Variants in DPH1 observed in about 807,000 individuals in gnomAD.
DPH1 encodes the protein diphthamide biosynthesis 1.
Under a neutral mutation model 55.3 loss-of-function variants are expected in DPH1, and 59 were observed. That is an observed-to-expected ratio of 1.07 (90% confidence interval 0.87 to 1.33). The LOEUF (loss-of-function observed/expected upper bound fraction) is 1.33, where lower values mean the gene tolerates loss of function less well. Among genes scored for constraint, DPH1 ranks in the 40% most tolerant of loss-of-function variants. The pLI is 0.00. For missense variants in DPH1, 628 were observed against 584.8 expected, an observed-to-expected ratio of 1.07 and a Z score of -0.76; for synonymous variants, 238 against 235.5, an observed-to-expected ratio of 1.01 and a Z score of -0.10.
intron 6 of DPH1, among the ~76,000 whole-genome samples, chr17:2,038,563 C>G (rs2067461668): frequency 6.6e-6 from 1 of 152,174 alleles, no homozygotes; most frequent in Non-Finnish European, 1.5e-5. Context: ...GCATTAGATT[C>G]TTGTAGGAGC....
At position 2,036,436 on chromosome 17, in the gene DPH1, C is replaced by T. The variant is rs1204476275; in HGVS notation, c.401-93C>T. The T allele has an allele frequency of 6.7e-7, 1 of 1,501,442 alleles. No homozygotes were observed. The highest frequency in any genetic ancestry group is 1.4e-5 in the African/African-American group (1 of 72,568). The allele number at this position is 1,501,442 out of a possible 1,614,324, so 93.0% of individuals were successfully genotyped here. On this transcript the variant is annotated intron_variant, in intron 4 of 12. Coordinates refer to ENST00000263083, the MANE Select transcript of DPH1 (RefSeq NM_001383.6). The surrounding 1 kb of genome is among the most constrained non-coding windows in gnomAD (Gnocchi z 4.8). ...CTGTCCTTTTACCCCCAGGCTGAAG[C>T]CACTGCGCCTGGCTGCTCAGAGACC...
At position 2,036,570 on chromosome 17, in the gene DPH1, G is replaced by A. The variant is rs1022631968; in HGVS notation, c.442G>A (p.Val148Ile). 30 of 1,613,944 alleles carry A rather than the reference G, an allele frequency of 1.9e-5. No homozygotes were observed. The highest frequency in any genetic ancestry group is 2.7e-5 in the African/African-American group (2 of 74,878). ...GGCCCAAGACTTCCGGGTGCTGTAC[G>A]TCTTTGTGGACATCCGGATAGACAC... ...TSAQDFRVLY[V>I]FVDIRIDTTH... Residue 148 changes from valine (V) to isoleucine (I), a missense_variant, in exon 5 of 13, where the codon GTC becomes ATC. Transcript: ENST00000263083. The surrounding 1 kb of genome is among the most constrained non-coding windows in gnomAD (Gnocchi z 4.8).
intron 6 of DPH1, among the ~76,000 whole-genome samples, chr17:2,038,017 CAGT>C (rs1354422335): frequency 3.3e-5 from 5 of 152,106 alleles, no homozygotes; most frequent in Admixed American, 6.6e-5. Context: ...GTCCAATAAA[CAGT>C]AGCTGTTGGC....
chr17:2,030,683 G>A (rs1213187846), intron 1 of DPH1, among the ~76,000 whole-genome samples: 1 of 152,202 alleles, frequency 6.6e-6, no homozygotes, highest in Non-Finnish European at 1.5e-5. Flanking sequence ...AGTCTACTGG[G>A]GGAATGTTAA....
At chr17:2,035,944 A>G in intron 3 of DPH1, 26 bp from the exon 4 acceptor site, 1 of 1,613,348 alleles carries the variant, frequency 6.2e-7, no homozygotes, top group Non-Finnish European at 8.5e-7. Flanking sequence ...TCCCTGTCCC[A>G]CCGTTCCCCG....
At chr17:2,031,409 A>G (rs1448072688) in intron 1 of DPH1, among the ~76,000 whole-genome samples, 2 of 151,748 alleles carry the variant, frequency 1.3e-5, no homozygotes, top group African/African-American at 4.8e-5. Flanking sequence ...TAAAAATACA[A>G]AAATTAGCCG....
At chr17:2,042,496 G>C (rs2067559077) in intron 12 of DPH1, 109 bp from the exon 13 acceptor site, 17 of 1,411,918 alleles carry the variant, frequency 1.2e-5, no homozygotes, top group Non-Finnish European at 1.4e-5. Flanking sequence ...CTTTTGCCTC[G>C]ATTCCCTTTT....
In DPH1 at chr17:2,041,778, G is replaced by A. The variant is rs765847438; in HGVS notation, c.1238G>A (p.Gly413Glu). 3 of 1,605,422 alleles carry A rather than the reference G, an allele frequency of 1.9e-6. No homozygotes were observed. The highest frequency in any genetic ancestry group is 1.3e-5 in the African/African-American group (1 of 74,668). ...AGTCTGCGACCTCAGGTGCAGGAGG[G>A]GTCCGCGCGTCCCCCTTCGGCCGTG... Reference protein sequence around the residue: ...GRPARGKVQEGSARPPSAVAC... With the variant: ...GRPARGKVQEESARPPSAVAC... Residue 413 changes from glycine to glutamate, a missense_variant, in exon 12 of 13, where the codon GGG becomes GAG. Gly to Glu is a moderately conservative substitution (Grantham distance 98). Coordinates refer to ENST00000263083, the MANE Select transcript of DPH1 (RefSeq NM_001383.6).
At position 2,043,115 on chromosome 17, in the gene DPH1, A is replaced by G. The variant is rs779575557; in HGVS notation, c.*529A>G. On this transcript the variant is annotated 3_prime_UTR_variant, in exon 13 of 13. Transcript: ENST00000263083. ...CAGTTTGCAGAGTGAAAGATCAAGA[A>G]ATGTCTCTGCTCCTACATCCAGCTC... 3.7e-6 allele frequency: 6 copies of G among 1,610,516 alleles called. No individual in the cohort carries two copies. The highest frequency in any genetic ancestry group is 1.3e-5 in the African/African-American group (1 of 74,842).
At chr17:2,040,405 G>C in intron 8 of DPH1, 31 bp downstream of exon 8, 3 of 1,613,482 alleles carry the variant, frequency 1.9e-6, no homozygotes, top group Non-Finnish European at 2.5e-6. Flanking sequence ...CTCTGGAGGA[G>C]GGAAGTGACT....
At chr17:2,038,144 C>G (rs1253445295) in intron 6 of DPH1, among the ~76,000 whole-genome samples, 1 of 102,612 alleles carries the variant, frequency 9.7e-6, no homozygotes, top group East Asian at 3.4e-4. Context: ...ACCCTGTTCT[C>G]TCCAAAAAAA....
At chr17:2,038,480 C>G (rs1054950138) in intron 6 of DPH1, among the ~76,000 whole-genome samples, 6 of 152,158 alleles carry the variant, frequency 3.9e-5, no homozygotes, top group African/African-American at 1.4e-4. Context: ...GGAAACCTGC[C>G]GCACAGTAGA....
rs761907660 is a variant in DPH1 at position 2,033,703 on chromosome 17, T to C, written c.214+46T>C. On this transcript the variant is annotated intron_variant, in intron 2 of 12. Transcript: ENST00000263083. ...CTGGGGTTGGGGTGGAGAGGTTGCC[T>C]GGCCCAGATGGGACAGTGTCCCCCT... 5.0e-6 allele frequency: 8 copies of C among 1,613,652 alleles called. No homozygotes were observed. In the Middle Eastern group the frequency reaches 4.9e-4, roughly 100 times the overall value.
chr17:2,043,379 G>A lies in DPH1; in HGVS notation c.*793G>A. On this transcript the variant is annotated 3_prime_UTR_variant, in exon 13 of 13. Coordinates refer to ENST00000263083, the MANE Select transcript of DPH1 (RefSeq NM_001383.6). ...TTAGGAGGGTGACATGGGGAAGGCA[G>A]AGGCTGGCACCATGGTGACTGCCAC... 1 of 421,958 alleles carries A rather than the reference G, an allele frequency of 2.4e-6. No individual in the cohort carries two copies. The highest frequency in any genetic ancestry group is 4.2e-6 in the Non-Finnish European group (1 of 236,836). 26.1% of individuals were successfully genotyped at this position (421,958 alleles called of 1,614,324 possible). A position where few individuals can be genotyped will look rare whatever the true frequency, so the allele number is the denominator to read the frequency against.
chr17:2,039,871 T>G, intron 7 of DPH1, 48 bp downstream of exon 7: 1 of 1,611,438 alleles, frequency 6.2e-7, no homozygotes, highest in South Asian at 1.1e-5. Context: ...GGGGTGAGAT[T>G]CCCTGCCACT....
At chr17:2,039,852 A>G in intron 7 of DPH1, 29 bp downstream of exon 7, 4 of 1,613,828 alleles carry the variant, frequency 2.5e-6, no homozygotes, top group Non-Finnish European at 3.4e-6. Context: ...TGGGCTGACC[A>G]GCTGGTGAGG....
chr17:2,041,370 C>G, intron 10 of DPH1, 111 bp from the exon 11 acceptor site: 1 of 1,499,110 alleles, frequency 6.7e-7, no homozygotes, highest in Non-Finnish European at 9.0e-7. Flanking sequence ...CAGTTCCCTT[C>G]TGTGGCAGGG....
intron 10 of DPH1, 149 bp from the exon 11 acceptor site, chr17:2,041,332 G>A (rs1247022112): frequency 2.1e-6 from 3 of 1,450,302 alleles, no homozygotes; most frequent in Non-Finnish European, 2.8e-6. Context: ...TCCTAGCTGT[G>A]TAGCCTTAGG....
chr17:2,042,165 G>A (rs765615461), intron 12 of DPH1: 5 of 1,479,524 alleles, frequency 3.4e-6, no homozygotes, highest in Admixed American at 4.9e-5. Context: ...CGCCGAGCTC[G>A]TGTGCCTCAG....
Sources: gnomAD v4.1 joint callset for allele counts (sites outside exome capture counted in the v4.1 genomes callset) on GRCh38, gnomAD v4.1.1 for gene constraint, Gnocchi (gnomAD v3.1) non-coding constraint, MANE v1.5 for transcripts, NCBI Gene and HGNC (gene_info 2026-07-23, HGNC 2026-07-21) for gene names.